The following UBAP1 variants were observed in gnomAD, a reference collection of about 807,000 sequenced individuals.
UBAP1 encodes ubiquitin-associated protein 1.
UBAP1 carries 5 observed loss-of-function variants against 39.0 expected under a neutral mutation model. The ratio of observed to expected loss-of-function variants is 0.13; its 90% confidence interval spans 0.07 to 0.27. The LOEUF is 0.27. Ranked by LOEUF, UBAP1 falls within the 10% of genes least tolerant of loss-of-function variation. The pLI, the probability that UBAP1 is intolerant of heterozygous loss-of-function variation, is 1.00. For synonymous variants in UBAP1, 211 were observed against 225.1 expected (o/e 0.94, Z 0.56); for missense variants, 490 against 608.1 (o/e 0.81, Z 2.04).
chr9:34,232,991 C>G (rs1391500090), intron 2 of UBAP1, among the ~76,000 whole-genome samples: 1 of 152,052 alleles, frequency 6.6e-6, no homozygotes, highest in East Asian at 1.9e-4. Flanking sequence ...TTATCTGACC[C>G]CGTGAATAGA....
chr9:34,186,707 T>C (rs1383974628), intron 1 of UBAP1, among the ~76,000 whole-genome samples: 1 of 152,096 alleles, frequency 6.6e-6, no homozygotes, highest in Non-Finnish European at 1.5e-5. Flanking sequence ...TGGTCTTTTC[T>C]CTTTTTCTGA....
intron 5 of UBAP1, among the ~76,000 whole-genome samples, 155 bp from the exon 6 acceptor site, chr9:34,250,503 G>A (rs1452676245): frequency 6.6e-6 from 1 of 152,198 alleles, no homozygotes; most frequent in Non-Finnish European, 1.5e-5. Flanking sequence ...GTCCTGTTGT[G>A]TTGGACACAG....
chr9:34,213,541 A>G (rs995761918), intron 1 of UBAP1, among the ~76,000 whole-genome samples: 2 of 151,992 alleles, frequency 1.3e-5, no homozygotes, highest in Non-Finnish European at 2.9e-5. Context: ...CCAACCATCT[A>G]TGACACACCT....
At chr9:34,218,361 G>GGT (rs1250491637) in intron 1 of UBAP1, among the ~76,000 whole-genome samples, 1 of 147,646 alleles carries the variant, frequency 6.8e-6, no homozygotes, top group Non-Finnish European at 1.5e-5. Flanking sequence ...GCATATTCTA[G>GGT]GTGTTGTTTG....
intron 1 of UBAP1, among the ~76,000 whole-genome samples, chr9:34,182,631 C>CTT (rs1422453336): frequency 3.6e-5 from 2 of 54,998 alleles, no homozygotes; most frequent in Non-Finnish European, 9.1e-5. Context: ...TTCTTTCTTT[C>CTT]TTTCTTTCTT....
intron 1 of UBAP1, among the ~76,000 whole-genome samples, chr9:34,195,106 G>C (rs766160188): frequency 6.7e-6 from 1 of 149,518 alleles, no homozygotes; most frequent in Non-Finnish European, 1.5e-5. Context: ...TGAGAACAGA[G>C]ATTTTTTAAA....
intron 1 of UBAP1, among the ~76,000 whole-genome samples, chr9:34,180,698 G>A (rs541368635): frequency 1.3e-4 from 20 of 152,082 alleles, no homozygotes; most frequent in Non-Finnish European, 2.5e-4. Context: ...TATAATTACA[G>A]AAATGCTAAA....
At chr9:34,195,104 G>C (rs1830949038) in intron 1 of UBAP1, among the ~76,000 whole-genome samples, 1 of 150,202 alleles carries the variant, frequency 6.7e-6, no homozygotes, top group Non-Finnish European at 1.5e-5. Context: ...TTTGAGAACA[G>C]AGATTTTTTA....
chr9:34,234,161 C>T, intron 2 of UBAP1, 55 bp from the exon 3 acceptor site: 2 of 1,548,826 alleles, frequency 1.3e-6, no homozygotes, highest in Non-Finnish European at 1.7e-6. Context: ...AAGATTATGG[C>T]AAAACAAATA....
intron 2 of UBAP1, among the ~76,000 whole-genome samples, chr9:34,226,308 C>T (rs1189204400): frequency 6.6e-6 from 1 of 150,590 alleles, no homozygotes; most frequent in African/African-American, 2.5e-5. Flanking sequence ...CTGCTCACTG[C>T]AACCTCTGCC....
At chr9:34,192,205 T>C (rs1830766272) in intron 1 of UBAP1, among the ~76,000 whole-genome samples, 1 of 151,532 alleles carries the variant, frequency 6.6e-6, no homozygotes, top group South Asian at 2.1e-4. Context: ...GGCAGAACTG[T>C]GGACAGTGAG....
At position 34,241,527 on chromosome 9, in the gene UBAP1, A is replaced by T. The variant is rs765492874; in HGVS notation, c.502A>T (p.Asn168Tyr). 2 of 1,614,202 alleles carry T rather than the reference A, an allele frequency of 1.2e-6. No homozygotes were observed. Among genetic ancestry groups the T allele is most frequent in the Middle Eastern group, 1.6e-4 (1 of 6,062 alleles). ...DFECEEDPFD[N>Y]LELKTIDEKE... ...TGAGTGTGAAGAAGACCCATTTGAT[A>T]ATCTGGAGTTAAAAACTATTGATGA... is the stretch of plus-strand genomic sequence containing the variant. The change falls in exon 4 of 7, where the codon AAT becomes TAT. Residue 168 changes from asparagine (N) to tyrosine (Y), a missense_variant. This residue lies in a region of UBAP1 where 7 missense variants were observed against 33.6 expected (regional missense o/e 0.21). Coordinates refer to ENST00000297661, the MANE Select transcript of UBAP1 (RefSeq NM_016525.5).
In UBAP1 at chr9:34,198,486, G is replaced by A. The variant is rs147766668; in HGVS notation, c.-8+19246G>A. ...GTGAGGCCATAGGCTATGCTCAGCT[G>A]AGGTCAGACTGGATCACTGGCACAG... On this transcript the variant is annotated intron_variant, in intron 1 of 6. Coordinates refer to ENST00000297661, the MANE Select transcript of UBAP1 (RefSeq NM_016525.5). Among the ~76,000 whole-genome samples, 3 of 152,316 alleles carry A rather than the reference G, an allele frequency of 2.0e-5. No individual in the cohort carries two copies. In the East Asian group the frequency reaches 5.8e-4, roughly 29 times the overall value.
chr9:34,221,448 T>A (rs1832753733), intron 2 of UBAP1, among the ~76,000 whole-genome samples: 1 of 150,014 alleles, frequency 6.7e-6, no homozygotes, highest in South Asian at 2.1e-4. Flanking sequence ...AAGAATGGCG[T>A]GAACCCGGGA....
intron 1 of UBAP1, among the ~76,000 whole-genome samples, chr9:34,218,066 C>T (rs1381077045): frequency 1.3e-5 from 2 of 150,518 alleles, no homozygotes; most frequent in African/African-American, 4.9e-5. Context: ...TCCTGGCCAA[C>T]ATGGTGAAAC....
chr9:34,182,679 CTT>C lies in UBAP1; in HGVS notation c.-8+3441_-8+3442del, dbSNP rs538530204. ...TCTTTCTTTCTTTCTTTCTTTCTTT[CTT>C]TCTCTCTCTCTTTCTTTTCTTTTCT... On this transcript the variant is annotated intron_variant, in intron 1 of 6. Coordinates refer to ENST00000297661, the MANE Select transcript of UBAP1 (RefSeq NM_016525.5). Among the ~76,000 whole-genome samples, 402 of 99,774 alleles carry C rather than the reference CTT, an allele frequency of 4.0e-3. 1 individual carries two copies. The highest frequency in any genetic ancestry group is 7.5e-3 in the African/African-American group (212 of 28,278). 65.5% of individuals were successfully genotyped at this position (99,774 alleles called of 152,430 possible).
At chr9:34,209,021 G>A (rs375582269) in intron 1 of UBAP1, among the ~76,000 whole-genome samples, 3 of 151,636 alleles carry the variant, frequency 2.0e-5, no homozygotes, top group East Asian at 2.0e-4. Flanking sequence ...CGCAACCTCC[G>A]CTTCCTGGGT....
At chr9:34,186,412 A>G (rs1041112678) in intron 1 of UBAP1, among the ~76,000 whole-genome samples, 9 of 152,288 alleles carry the variant, frequency 5.9e-5, no homozygotes, top group East Asian at 1.9e-4. Flanking sequence ...AATGCTTACC[A>G]AACACTTCCA....
At chr9:34,247,431 T>C (rs1377344255) in intron 4 of UBAP1, among the ~76,000 whole-genome samples, 2 of 152,146 alleles carry the variant, frequency 1.3e-5, no homozygotes, top group African/African-American at 4.8e-5. Flanking sequence ...TTCTTATTTA[T>C]TTATTTATTT....
Sources: allele counts gnomAD v4.1 joint callset (sites outside exome capture counted in the v4.1 genomes callset), GRCh38; gene constraint gnomAD v4.1.1; regional missense constraint gnomAD v4.1.1; transcripts MANE v1.5; gene names NCBI Gene and HGNC (gene_info 2026-07-23, HGNC 2026-07-21).